Variants in DGKB observed in about 807,000 individuals in gnomAD.
DGKB encodes diacylglycerol kinase beta.
Under a neutral mutation model 114.3 loss-of-function variants are expected in DGKB, and 67 were observed. That is an observed-to-expected ratio of 0.59 (90% CI 0.48 to 0.72). The LOEUF is 0.72. DGKB is among the 30% of genes least tolerant of loss of function. The probability of loss-of-function intolerance (pLI) is 0.00; values close to 1 mark genes in which losing one functional copy is unlikely to be tolerated. For synonymous variants in DGKB, 398 were observed against 323.1 expected (o/e 1.23, Z -2.49); for missense variants, 907 against 975.2 (o/e 0.93, Z 0.93).
intron 23 of DGKB, among the ~76,000 whole-genome samples, chr7:14,336,593 T>C (rs1030814812): frequency 1.3e-5 from 2 of 152,174 alleles, no homozygotes; most frequent in African/African-American, 4.8e-5. Flanking sequence ...GTTCTAATAG[T>C]TCCACAGTAG....
chr7:14,168,885 T>G (rs1208234454), intron 25 of DGKB, among the ~76,000 whole-genome samples: 1 of 152,166 alleles, frequency 6.6e-6, no homozygotes, highest in Non-Finnish European at 1.5e-5. Flanking sequence ...AAGGAAGAGA[T>G]TTTATTTTAT....
At position 14,254,249 on chromosome 7, in the gene DGKB, AT is replaced by A. The variant is rs567793719; in HGVS notation, c.2123-76099del. ...TTGCTACATCCGGAAGAGATTTCAG[AT>A]TATTTTTATCATGCTTTCTTCACAT... On this transcript the variant is annotated intron_variant, in intron 23 of 25. Coordinates refer to ENST00000402815, the MANE Select transcript of DGKB (RefSeq NM_001350709.2). Among the ~76,000 whole-genome samples, 508 of 152,294 alleles carry A rather than the reference AT, an allele frequency of 3.3e-3. 1 individual carries two copies. Among genetic ancestry groups the A allele is most frequent in the Non-Finnish European group, 5.7e-3 (386 of 67,998 alleles).
At chr7:14,965,838 A>T (rs1787114242) in intron 1 of DGKB, among the ~76,000 whole-genome samples, 1 of 152,088 alleles carries the variant, frequency 6.6e-6, no homozygotes, top group African/African-American at 2.4e-5. Context: ...ACATAATGAA[A>T]ACCATTTTTC....
intron 20 of DGKB, among the ~76,000 whole-genome samples, chr7:14,544,649 GA>G (rs1286088849): frequency 6.6e-6 from 1 of 151,976 alleles, no homozygotes. Flanking sequence ...ATTTTTCAAA[GA>G]AAAAATTCTC....
chr7:14,471,480 T>G (rs11972226), intron 21 of DGKB, among the ~76,000 whole-genome samples: 89,755 of 145,342 alleles, frequency 0.62, 28,406 homozygotes, highest in East Asian at 0.78. Context: ...AGAATAATAA[T>G]TTGAAAATTG....
At chr7:14,578,823 G>A (rs758303865) in intron 19 of DGKB, among the ~76,000 whole-genome samples, 12 of 152,056 alleles carry the variant, frequency 7.9e-5, no homozygotes, top group Non-Finnish European at 8.8e-5. Context: ...TGAGACTTTC[G>A]AAGCTTCACT....
intron 19 of DGKB, among the ~76,000 whole-genome samples, chr7:14,576,655 G>A (rs770529730): frequency 5.3e-5 from 8 of 152,024 alleles, no homozygotes; most frequent in Non-Finnish European, 1.2e-4. Context: ...TCATGTCTCA[G>A]GTTAATAGCA....
chr7:14,705,003 A>G (rs1333094617), intron 6 of DGKB, among the ~76,000 whole-genome samples: 2 of 151,690 alleles, frequency 1.3e-5, no homozygotes, highest in Non-Finnish European at 2.9e-5. Context: ...AGAAGGCTTC[A>G]GACGATCAAA....
chr7:14,808,563 G>C (rs1843034189), intron 2 of DGKB, among the ~76,000 whole-genome samples: 1 of 152,088 alleles, frequency 6.6e-6, no homozygotes, highest in Admixed American at 6.6e-5. Context: ...TCTGTCTTTA[G>C]TGAAGAAGTT....
At chr7:14,583,626 C>G (rs1045059369) in intron 17 of DGKB, among the ~76,000 whole-genome samples, 1 of 152,266 alleles carries the variant, frequency 6.6e-6, no homozygotes, top group African/African-American at 2.4e-5. Context: ...CAGACTGCAA[C>G]TGGGGTTCTA....
At chr7:14,513,874 T>C (rs1192591259) in intron 20 of DGKB, among the ~76,000 whole-genome samples, 1 of 152,084 alleles carries the variant, frequency 6.6e-6, no homozygotes, top group Non-Finnish European at 1.5e-5. Context: ...AATGTTCTAC[T>C]AGTTACTAAC....
At chr7:14,483,897 A>C (rs12699620) in intron 20 of DGKB, among the ~76,000 whole-genome samples, 16,604 of 152,130 alleles carry the variant, frequency 0.11, 1,194 homozygotes, top group Non-Finnish European at 0.16. Context: ...CCTCGATTTT[A>C]GTCCAAGGAT....
At chr7:14,319,424 A>T (rs528250171) in intron 23 of DGKB, among the ~76,000 whole-genome samples, 1 of 152,170 alleles carries the variant, frequency 6.6e-6, no homozygotes, top group East Asian at 1.9e-4. Flanking sequence ...TTGTTTTTTA[A>T]ATATAGTTAT....
At chr7:14,815,003 A>G in intron 2 of DGKB, among the ~76,000 whole-genome samples, 1 of 152,174 alleles carries the variant, frequency 6.6e-6, no homozygotes, top group East Asian at 1.9e-4. Flanking sequence ...TCTAATAGTT[A>G]ATCCTTTTCC....
chr7:14,616,095 C>G (rs1806456029), intron 15 of DGKB, among the ~76,000 whole-genome samples: 1 of 150,372 alleles, frequency 6.7e-6, no homozygotes, highest in African/African-American at 2.4e-5. Context: ...AACTTTTTCC[C>G]TCAACCACTT....
At chr7:14,699,055 G>A (rs543966608) in intron 7 of DGKB, among the ~76,000 whole-genome samples, 20 of 151,698 alleles carry the variant, frequency 1.3e-4, no homozygotes, top group African/African-American at 2.9e-4. Flanking sequence ...GAAGAAATAC[G>A]ATAAAACAGA....
At position 14,453,213 on chromosome 7, in the gene DGKB, G is replaced by T. The variant is rs1355981711; in HGVS notation, c.1835+24948C>A. The stretch of plus-strand genomic sequence containing the variant: ...GAAAGGGTTAAGCTGCTTGTTCAGG[G>T]TCACCCAGTTACTAAGTGGAGGAGC... On this transcript the variant is annotated intron_variant, in intron 21 of 25. Transcript: ENST00000402815. Among the ~76,000 whole-genome samples the T allele has an allele frequency of 2.0e-5, 3 of 152,224 alleles. No homozygotes were observed. The South Asian group carries it at 6.2e-4, about 32-fold the overall frequency.
At chr7:14,369,891 T>C (rs1817345806) in intron 21 of DGKB, among the ~76,000 whole-genome samples, 1 of 152,176 alleles carries the variant, frequency 6.6e-6, no homozygotes, top group Non-Finnish European at 1.5e-5. Context: ...CACACATATC[T>C]ATCTGAAAAG....
At chr7:14,221,858 G>C (rs571707973) in intron 23 of DGKB, among the ~76,000 whole-genome samples, 1 of 151,452 alleles carries the variant, frequency 6.6e-6, no homozygotes, top group South Asian at 2.1e-4. Flanking sequence ...TTCAGATTGA[G>C]TCCATTTCTT....
Sources: allele counts gnomAD v4.1 joint callset (sites outside exome capture counted in the v4.1 genomes callset), GRCh38; gene constraint gnomAD v4.1.1; transcripts MANE v1.5; gene names NCBI Gene and HGNC (gene_info 2026-07-23, HGNC 2026-07-21).